Variants in NBEA observed in about 807,000 individuals in gnomAD.
NBEA encodes neurobeachin, also known as lysosomal-trafficking regulator 2.
A neutral mutation model predicts 343.4 loss-of-function variants in NBEA; 44 were observed. The observed-to-expected ratio is 0.13, with a 90% CI of 0.10 to 0.16. The LOEUF (loss-of-function observed/expected upper bound fraction) is 0.16, where lower values mean the gene tolerates loss of function less well. Among genes scored for constraint, NBEA ranks in the 10% least tolerant of loss-of-function variants. NBEA has a pLI of 1.00. For synonymous variants in NBEA, 1,175 were observed against 1,238.7 expected (o/e 0.95, Z 1.08); for missense variants, 2,555 against 3,631.3 (o/e 0.70, Z 7.62).
At chr13:35,227,603 C>A (rs560526488) in intron 33 of NBEA, among the ~76,000 whole-genome samples, 83 of 151,796 alleles carry the variant, frequency 5.5e-4, no homozygotes, top group African/African-American at 2.0e-3. Context: ...TCTTTTTGTT[C>A]TATGTTTTCT....
chr13:35,455,557 G>GT (rs1447322779), intron 40 of NBEA, among the ~76,000 whole-genome samples: 1 of 152,020 alleles, frequency 6.6e-6, no homozygotes, highest in Non-Finnish European at 1.5e-5. Flanking sequence ...GTTGAGAACT[G>GT]TTTAATAGCA....
In NBEA at chr13:35,452,113, A is replaced by C; in HGVS notation, c.6326A>C (p.Lys2109Thr). 6 of 1,612,656 alleles carry C rather than the reference A, an allele frequency of 3.7e-6. No homozygotes were observed. Among genetic ancestry groups the C allele is most frequent in the Non-Finnish European group, 5.1e-6 (6 of 1,179,220 alleles). ...IEYGTEEDVV[K>T]SKKTFRSQAI... ...TTAGGCACGGAAGAAGATGTAGTAA[A>C]GTCAAAGAAAACATTCAGAAGTCAA... The change falls in exon 40 of 59, where the codon AAG becomes ACG. Residue 2109 changes from lysine (K) to threonine (T), a missense_variant. Transcript: ENST00000379939.
chr13:35,150,003 A>C lies in NBEA; in HGVS notation c.2446-5771A>C, dbSNP rs537438828. Among the ~76,000 whole-genome samples the C allele has an allele frequency of 3.3e-5, 5 of 152,318 alleles. No homozygotes were observed. In the East Asian group the frequency reaches 9.6e-4, roughly 29 times the overall value. ...TTTGGTCTCTGGTGATATTCTACACAAAACAAAGCCAACTAATTGCTGGTC... is the reference window on the plus strand; with the variant it reads ...TTTGGTCTCTGGTGATATTCTACACCAAACAAAGCCAACTAATTGCTGGTC... On this transcript the variant is annotated intron_variant, in intron 18 of 58. Coordinates refer to ENST00000379939, the MANE Select transcript of NBEA (RefSeq NM_001385012.1).
At chr13:35,068,876 C>G (rs183262391) in intron 8 of NBEA, among the ~76,000 whole-genome samples, 1 of 152,248 alleles carries the variant, frequency 6.6e-6, no homozygotes, top group East Asian at 1.9e-4. Context: ...GTGGGGGCCA[C>G]TTTTAGAAAG....
chr13:35,072,028 G>C (rs2063895768), intron 10 of NBEA, among the ~76,000 whole-genome samples: 1 of 152,092 alleles, frequency 6.6e-6, no homozygotes, highest in African/African-American at 2.4e-5. Context: ...TATTTTGCTT[G>C]TGAGATCTTA....
At chr13:35,379,806 T>G (rs865856598) in intron 38 of NBEA, among the ~76,000 whole-genome samples, 3 of 152,080 alleles carry the variant, frequency 2.0e-5, no homozygotes, top group Non-Finnish European at 2.9e-5. Flanking sequence ...TTCTGGACTC[T>G]CTCTACAGTT....
chr13:35,362,012 G>T (rs2040834757), intron 38 of NBEA, among the ~76,000 whole-genome samples: 1 of 151,810 alleles, frequency 6.6e-6, no homozygotes, highest in African/African-American at 2.4e-5. Context: ...TTATACAATT[G>T]TAAGTCAGAA....
chr13:35,212,424 A>T (rs545701599), intron 33 of NBEA, among the ~76,000 whole-genome samples: 2 of 152,036 alleles, frequency 1.3e-5, no homozygotes, highest in South Asian at 4.1e-4. Flanking sequence ...GGCATTTGGA[A>T]TTTTCCATTT....
At chr13:35,518,776 T>C (rs2077581815) in intron 41 of NBEA, among the ~76,000 whole-genome samples, 1 of 150,556 alleles carries the variant, frequency 6.6e-6, no homozygotes, top group Non-Finnish European at 1.5e-5. Context: ...ATTGATATAA[T>C]TTGGGTCAGA....
chr13:35,441,912 A>C (rs1317602278), intron 39 of NBEA, among the ~76,000 whole-genome samples: 3 of 150,980 alleles, frequency 2.0e-5, no homozygotes, highest in African/African-American at 7.3e-5. Flanking sequence ...GCCCACTCTC[A>C]AGTTGTCCAG....
chr13:35,649,502 GCAGA>G (rs1566459784), intron 51 of NBEA, among the ~76,000 whole-genome samples, 149 bp from the exon 52 acceptor site: 1 of 152,156 alleles, frequency 6.6e-6, no homozygotes, highest in Non-Finnish European at 1.5e-5. Context: ...TCGATTTGGG[GCAGA>G]CATTCACCAG....
chr13:35,269,074 A>G (rs1202162742), intron 34 of NBEA, among the ~76,000 whole-genome samples: 1 of 152,130 alleles, frequency 6.6e-6, no homozygotes, highest in African/African-American at 2.4e-5. Context: ...GACACATACA[A>G]ATGAAAAAAG....
chr13:35,230,160 CTG>C (rs1295907643), intron 33 of NBEA, among the ~76,000 whole-genome samples: 8 of 152,094 alleles, frequency 5.3e-5, no homozygotes, highest in African/African-American at 1.7e-4. Flanking sequence ...TGAGAAATAT[CTG>C]TTTTTATCTA....
At chr13:34,954,263 A>G (rs1426543497) in intron 1 of NBEA, among the ~76,000 whole-genome samples, 1 of 152,214 alleles carries the variant, frequency 6.6e-6, no homozygotes, top group Non-Finnish European at 1.5e-5. Flanking sequence ...CCCTGGAACC[A>G]ATCCCCCAGA....
intron 41 of NBEA, among the ~76,000 whole-genome samples, chr13:35,503,403 T>A (rs2076962477): frequency 6.6e-6 from 1 of 151,852 alleles, no homozygotes; most frequent in Non-Finnish European, 1.5e-5. Context: ...ACCCACATTA[T>A]TCACACAAAA....
At chr13:35,285,054 C>A (rs1428622399) in intron 34 of NBEA, among the ~76,000 whole-genome samples, 1 of 152,044 alleles carries the variant, frequency 6.6e-6, no homozygotes, top group African/African-American at 2.4e-5. Context: ...AATTCCTTTC[C>A]ACGTCTATAG....
intron 34 of NBEA, among the ~76,000 whole-genome samples, chr13:35,283,403 A>C (rs374721778): frequency 1.3e-4 from 20 of 152,172 alleles, no homozygotes; most frequent in African/African-American, 4.6e-4. Flanking sequence ...CACTTAGTCA[A>C]CCATTCTCAT....
chr13:35,045,436 T>C, intron 4 of NBEA, 35 bp downstream of exon 4: 1 of 1,492,816 alleles, frequency 6.7e-7, no homozygotes. Context: ...TTTTTATTTA[T>C]TTATTTTTAG....
intron 1 of NBEA, among the ~76,000 whole-genome samples, chr13:34,980,776 A>G (rs1215730602): frequency 1.3e-5 from 2 of 152,146 alleles, no homozygotes; most frequent in East Asian, 3.8e-4. Context: ...TATCTAGTTG[A>G]AAAAGTTTTT....
Sources: gnomAD v4.1 joint callset for allele counts (sites outside exome capture counted in the v4.1 genomes callset) on GRCh38, gnomAD v4.1.1 for gene constraint, MANE v1.5 for transcripts, NCBI Gene and HGNC (gene_info 2026-07-23, HGNC 2026-07-21) for gene names.